The following SPTB variants were observed in gnomAD, a reference collection of about 807,000 sequenced individuals.
The protein encoded by SPTB is spectrin beta, erythrocytic.
In SPTB, 45 loss-of-function variants were observed where a neutral mutation model predicts 256.2. That is an observed-to-expected ratio of 0.18 (90% CI 0.14 to 0.23). SPTB has a LOEUF of 0.23. SPTB is among the 10% of genes least tolerant of loss of function. The pLI, the probability that SPTB is intolerant of heterozygous loss-of-function variation, is 1.00. For synonymous variants in SPTB, 1,231 were observed against 1,243.1 expected, an observed-to-expected ratio of 0.99 and a Z score of 0.21; for missense variants, 2,715 against 3,040.4, an observed-to-expected ratio of 0.89 and a Z score of 2.52.
intron 33 of SPTB, chr14:64,752,366 T>C (rs1048963822): frequency 6.0e-6 from 5 of 830,434 alleles, no homozygotes; most frequent in Middle Eastern, 2.6e-4. Flanking sequence ...AGGGAGGAAG[T>C]TCTGGAAGGT....
At position 64,777,720 on chromosome 14, in the gene SPTB, T is replaced by C. The variant is rs2082385683; in HGVS notation, c.4563+1437A>G. 6.6e-6 allele frequency among the ~76,000 whole-genome samples: 1 copy of C among 152,184 alleles called. No homozygotes were observed. Among genetic ancestry groups the C allele is most frequent in the Admixed American group, 6.5e-5 (1 of 15,280 alleles). On this transcript the variant is annotated intron_variant, in intron 22 of 35. Transcript: ENST00000644917. The surrounding 1 kb of genome is among the most constrained non-coding windows in gnomAD (Gnocchi z 4.5). ...GAAGGCTTGTTAAAGGAGTTGCATA[T>C]TGGAGTTTGACAACCATTGCAACAG...
At position 64,791,758 on chromosome 14, in the gene SPTB, C is replaced by G. The variant is rs1181287253; in HGVS notation, c.2765G>C (p.Ser922Thr). Residue 922 changes from serine to threonine, a missense_variant, in exon 15 of 36, where the codon AGC (serine) becomes ACC (threonine). Ser to Thr is a moderately conservative substitution (Grantham distance 58). Transcript: ENST00000644917. ...GTCCTGGTACTGCTTCACCTCCCTG[C>G]TGCGTGGGTGGCCACTCTCTACCAA... ...NSLVESGHPR[S>T]REVKQYQDHL... The G allele has an allele frequency of 8.1e-6, 13 of 1,614,130 alleles. No individual in the cohort carries two copies. The highest frequency in any genetic ancestry group is 1.3e-5 in the African/African-American group (1 of 75,032).
At position 64,836,647 on chromosome 14, in the gene SPTB, G is replaced by A. The variant is rs368406342; in HGVS notation, c.-51-13502C>T. Among the ~76,000 whole-genome samples the A allele has an allele frequency of 6.6e-5, 10 of 152,252 alleles. No individual in the cohort carries two copies. The South Asian group carries it at 1.2e-3, about 19-fold the overall frequency. Reference sequence around the variant, plus strand: ...GAATGACCCAAGCAGTGCTCCTTCAGACCTAGCGGCCATCCTACTTCGAAA... The same window carrying A: ...GAATGACCCAAGCAGTGCTCCTTCAAACCTAGCGGCCATCCTACTTCGAAA... On this transcript the variant is annotated intron_variant, in intron 1 of 35. Transcript: ENST00000644917.
chr14:64,866,204 A>C lies in SPTB; in HGVS notation c.-52+13588T>G, dbSNP rs925185362. Among the ~76,000 whole-genome samples, 3 of 152,176 alleles carry C rather than the reference A, an allele frequency of 2.0e-5. No individual in the cohort carries two copies. Among genetic ancestry groups the C allele is most frequent in the Non-Finnish European group, 4.4e-5 (3 of 68,028 alleles). On this transcript the variant is annotated intron_variant, in intron 1 of 35. Coordinates refer to ENST00000644917, the MANE Select transcript of SPTB (RefSeq NM_001355436.2). The surrounding 1 kb of genome is among the most constrained non-coding windows in gnomAD (Gnocchi z 4.6). Reference sequence around the variant, plus strand: ...TAATCCTCGAGATGGGGTGATGATCACTAGCATTCATGACATTCCAGAGCT... The same window carrying C: ...TAATCCTCGAGATGGGGTGATGATCCCTAGCATTCATGACATTCCAGAGCT...
rs2083811085 is a variant in SPTB at position 64,852,991 on chromosome 14, G to A, written c.-52+26801C>T. 6.6e-6 allele frequency among the ~76,000 whole-genome samples: 1 copy of A among 152,206 alleles called. No homozygotes were observed. The highest frequency in any genetic ancestry group is 1.5e-5 in the Non-Finnish European group (1 of 68,048). On this transcript the variant is annotated intron_variant, in intron 1 of 35. Transcript: ENST00000644917. This position sits in a 1 kb window ranked among gnomAD's most constrained non-coding sequence, Gnocchi z 4.2. ...GTACTAGGCAAGCATTAACAGGGAG[G>A]TTTTCACTAGCTTGGGGGATGTGGG...
At chr14:64,768,995 A>C in intron 29 of SPTB, 39 bp downstream of exon 29, 1 of 1,538,524 alleles carries the variant, frequency 6.5e-7, no homozygotes, top group Non-Finnish European at 9.0e-7. Context: ...CTGCGGGGGT[A>C]CTCCTGCCCC....
At position 64,785,845 on chromosome 14, in the gene SPTB, T is replaced by G; in HGVS notation, c.3668A>C (p.Lys1223Thr). The G allele has an allele frequency of 5.6e-6, 9 of 1,614,108 alleles. No individual in the cohort carries two copies. The highest frequency in any genetic ancestry group is 7.6e-6 in the Non-Finnish European group (9 of 1,180,014). The change falls in exon 17 of 36, where the codon AAG (lysine) becomes ACG (threonine). Residue 1223 changes from lysine to threonine, a missense_variant. Lys to Thr is a moderately conservative substitution (Grantham distance 78). This residue lies in a region of SPTB where 2,239 missense variants were observed against 2,384.4 expected (regional missense o/e 0.94). Coordinates refer to ENST00000644917, the MANE Select transcript of SPTB (RefSeq NM_001355436.2). The surrounding 1 kb of genome is among the most constrained non-coding windows in gnomAD (Gnocchi z 4.4). The part of the protein sequence containing the change: ...FLGSMENNRD[K>T]VLSPVDSGNK... ...TCCAGAGTCCACAGGACTCAAGACC[T>G]TATCCCGGTTGTTCTCCATAGACCC...
intron 1 of SPTB, among the ~76,000 whole-genome samples, chr14:64,879,087 A>C (rs983998612): frequency 1.3e-5 from 2 of 152,174 alleles, no homozygotes; most frequent in Non-Finnish European, 2.9e-5. Flanking sequence ...AAGAGGGGAA[A>C]CTGGAGAGGA....
chr14:64,853,909 T>A lies in SPTB; in HGVS notation c.-52+25883A>T, dbSNP rs903366241. 2.0e-5 allele frequency among the ~76,000 whole-genome samples: 3 copies of A among 152,186 alleles called. No individual in the cohort carries two copies. The highest frequency in any genetic ancestry group is 7.2e-5 in the African/African-American group (3 of 41,444). On this transcript the variant is annotated intron_variant, in intron 1 of 35. Transcript: ENST00000644917. This position sits in a 1 kb window ranked among gnomAD's most constrained non-coding sequence, Gnocchi z 4.3. ...AAAAATTTTTTTAGATACTTATCAC[T>A]GGCCAGCCGCGGTGGCTCACGCCTG...
chr14:64,769,561 G>A, intron 28 of SPTB, 29 bp downstream of exon 28: 2 of 1,612,684 alleles, frequency 1.2e-6, no homozygotes, highest in Non-Finnish European at 1.7e-6. Context: ...AGACGGAGGA[G>A]CTCGCCTCCA....
At chr14:64,773,484 T>C in intron 24 of SPTB, 60 bp from the exon 25 acceptor site, 1 of 1,582,666 alleles carries the variant, frequency 6.3e-7, no homozygotes, top group South Asian at 1.1e-5. Context: ...GAGCCGTGGC[T>C]CCAGGGAGCC....
chr14:64,856,263 C>T (rs1416927479), intron 1 of SPTB, among the ~76,000 whole-genome samples: 1 of 152,156 alleles, frequency 6.6e-6, no homozygotes, highest in Admixed American at 6.5e-5. Flanking sequence ...AAGGAGCTTC[C>T]CAACGCTCAT....
rs531026780 is a variant in SPTB, at chr14:64,844,457, C to T, written c.-51-21312G>A. Reference sequence around the variant, plus strand: ...GCCTGACATACATACCTCCTTTCATCATCAGTGCTCTCCTGTGAGTGATTT... The same window carrying T: ...GCCTGACATACATACCTCCTTTCATTATCAGTGCTCTCCTGTGAGTGATTT... On this transcript the variant is annotated intron_variant, in intron 1 of 35. Transcript: ENST00000644917. The surrounding 1 kb of genome is among the most constrained non-coding windows in gnomAD (Gnocchi z 4.1). 5.3e-5 allele frequency among the ~76,000 whole-genome samples: 8 copies of T among 152,216 alleles called. No homozygotes were observed. The highest frequency in any genetic ancestry group is 8.8e-5 in the Non-Finnish European group (6 of 68,046).
At chr14:64,830,281 G>A (rs906831000) in intron 1 of SPTB, among the ~76,000 whole-genome samples, 1 of 150,500 alleles carries the variant, frequency 6.6e-6, no homozygotes, top group Non-Finnish European at 1.5e-5. Context: ...GACTTAGTAG[G>A]TACTCAATAA....
chr14:64,749,564 C>T lies in SPTB; in HGVS notation c.6819+90G>A. 1 of 1,605,300 alleles carries T rather than the reference C, an allele frequency of 6.2e-7. No individual in the cohort carries two copies. Among genetic ancestry groups the T allele is most frequent in the East Asian group, 2.2e-5 (1 of 44,804 alleles). On this transcript the variant is annotated intron_variant, in intron 35 of 35. Coordinates refer to ENST00000644917, the MANE Select transcript of SPTB (RefSeq NM_001355436.2). This position sits in a 1 kb window ranked among gnomAD's most constrained non-coding sequence, Gnocchi z 4.7. ...CAATGGTGGGGGCTCTTGGGACTGC[C>T]CCTTCTGAGGGGGCCTCCAGGGCAA...
chr14:64,769,005 C>T, intron 29 of SPTB, 29 bp downstream of exon 29: 1 of 1,595,084 alleles, frequency 6.3e-7, no homozygotes, highest in East Asian at 2.2e-5. Context: ...ACTCCTGCCC[C>T]TGGGCCCTGG....
At chr14:64,767,441 C>A in intron 30 of SPTB, 89 bp from the exon 31 acceptor site, 1 of 1,553,450 alleles carries the variant, frequency 6.4e-7, no homozygotes, top group Non-Finnish European at 8.9e-7. Flanking sequence ...GCCCTGCACC[C>A]CCACATGCCC....
In SPTB at chr14:64,879,833, TGGC is replaced by T; in HGVS notation, c.-96_-94del. 2 of 150,228 alleles carry T rather than the reference TGGC, an allele frequency of 1.3e-5. No individual in the cohort carries two copies. The highest frequency in any genetic ancestry group is 3.0e-5 in the Non-Finnish European group (2 of 67,696). 9.3% of individuals were successfully genotyped at this position (150,228 alleles called of 1,614,324 possible). A position where few individuals can be genotyped will look rare whatever the true frequency, so the allele number is the denominator to read the frequency against. On this transcript the variant is annotated 5_prime_UTR_variant, in exon 1 of 36. Transcript: ENST00000644917. The stretch of plus-strand genomic sequence containing the variant: ...GCGGGGGCCACCCCGAGCCCGGGGG[TGGC>T]GGCGGCGGCGGCGCAGGGGGAGGAG...
intron 1 of SPTB, among the ~76,000 whole-genome samples, 168 bp downstream of exon 1, chr14:64,879,624 C>G (rs1883012880): frequency 6.6e-6 from 1 of 152,190 alleles, no homozygotes; most frequent in Non-Finnish European, 1.5e-5. Flanking sequence ...GGCCCCGCAC[C>G]CCTCCCACCC....
Sources: gnomAD v4.1 joint callset for allele counts (sites outside exome capture counted in the v4.1 genomes callset) on GRCh38, gnomAD v4.1.1 for gene constraint, gnomAD v4.1.1 regional missense constraint, Gnocchi (gnomAD v3.1) non-coding constraint, MANE v1.5 for transcripts, NCBI Gene and HGNC (gene_info 2026-07-23, HGNC 2026-07-21) for gene names.